ARHGEF11: variants seen among roughly 807,000 people sequenced by gnomAD.
ARHGEF11 encodes Rho guanine exchange factor (GEF) 11.
In ARHGEF11, 55 loss-of-function variants were observed where a neutral mutation model predicts 193.7. The observed-to-expected ratio is 0.28, with a 90% CI of 0.23 to 0.36. The LOEUF (loss-of-function observed/expected upper bound fraction) is 0.36. Among genes scored for constraint, ARHGEF11 ranks in the 10% least tolerant of loss-of-function variants. The probability of loss-of-function intolerance (pLI) is 1.00; values close to 1 mark genes in which losing one functional copy is unlikely to be tolerated. For synonymous variants in ARHGEF11, 693 were observed against 768.0 expected, an observed-to-expected ratio of 0.90 and a Z score of 1.62; for missense variants, 1,723 against 2,005.6, an observed-to-expected ratio of 0.86 and a Z score of 2.69.
At chr1:156,980,533 T>A in intron 3 of ARHGEF11, 47 bp from the exon 4 acceptor site, 9 of 1,559,660 alleles carry the variant, frequency 5.8e-6, no homozygotes, top group Non-Finnish European at 7.0e-6. Context: ...CCTCTTCCAC[T>A]GAAGCTACAC....
intron 1 of ARHGEF11, among the ~76,000 whole-genome samples, chr1:156,990,791 A>ATCATGTCC (rs1665593228): frequency 6.6e-6 from 1 of 152,150 alleles, no homozygotes; most frequent in African/African-American, 2.4e-5. Context: ...TCTGTCTTTG[A>ATCATGTCC]TCATGTCCTT....
chr1:156,992,134 T>G (rs1388248989), intron 1 of ARHGEF11, among the ~76,000 whole-genome samples: 2 of 152,200 alleles, frequency 1.3e-5, no homozygotes, highest in Admixed American at 1.3e-4. Flanking sequence ...AAGTAATCAT[T>G]TTCATTTGTT....
In ARHGEF11 at chr1:156,956,313, A is replaced by G. The variant is rs1040971695; in HGVS notation, c.1671+107T>C. On this transcript the variant is annotated intron_variant, in intron 19 of 40. Transcript: ENST00000368194. ...TGTATTTTAATAGAGATGGGGTTTC[A>G]CCATGTTGCCCAGGCTGGTCTCGAA... 8.1e-6 allele frequency: 9 copies of G among 1,113,178 alleles called. No homozygotes were observed. In the African/African-American group the frequency reaches 1.4e-4, roughly 17 times the overall value. The allele number at this position is 1,113,178 out of a possible 1,614,324, so 69.0% of individuals were successfully genotyped here.
chr1:156,937,678 C>A (rs1207412896), intron 38 of ARHGEF11, among the ~76,000 whole-genome samples, 182 bp from the exon 39 acceptor site: 1 of 152,190 alleles, frequency 6.6e-6, no homozygotes, highest in African/African-American at 2.4e-5. Flanking sequence ...GCTCCCGAGA[C>A]CTTCTAGATG....
chr1:156,995,305 T>C (rs1666328466), intron 1 of ARHGEF11, among the ~76,000 whole-genome samples: 1 of 152,182 alleles, frequency 6.6e-6, no homozygotes, highest in Non-Finnish European at 1.5e-5. Context: ...GGTCCTTGGG[T>C]GAGGGCTCAT....
chr1:156,961,895 C>T lies in ARHGEF11; in HGVS notation c.1141-120G>A, dbSNP rs530367345. ...AGTTGTTACAACTACTGGGCAAGTG[C>T]GGTGCTACTGGCATCTAGTGGGTAC... On this transcript the variant is annotated intron_variant, in intron 13 of 40. Coordinates refer to ENST00000368194, the MANE Select transcript of ARHGEF11 (RefSeq NM_198236.3). 9.3e-5 allele frequency: 74 copies of T among 793,376 alleles called. 1 individual carries two copies. The highest frequency in any genetic ancestry group is 5.0e-4 in the South Asian group (33 of 65,850). 49.1% of individuals were successfully genotyped at this position (793,376 alleles called of 1,614,324 possible).
intron 11 of ARHGEF11, among the ~76,000 whole-genome samples, chr1:156,964,187 C>T (rs1295820758): frequency 1.3e-5 from 2 of 152,302 alleles, no homozygotes; most frequent in East Asian, 3.9e-4. Context: ...TGTGTTAGAT[C>T]CCCATTACCT....
intron 1 of ARHGEF11, among the ~76,000 whole-genome samples, chr1:157,037,389 C>T (rs1672173922): frequency 6.6e-6 from 1 of 152,134 alleles, no homozygotes; most frequent in African/African-American, 2.4e-5. Context: ...AAACCTTCCC[C>T]GGCTCCCTTT....
At chr1:157,022,536 T>C (rs541822801) in intron 1 of ARHGEF11, among the ~76,000 whole-genome samples, 9 of 152,074 alleles carry the variant, frequency 5.9e-5, no homozygotes, top group Non-Finnish European at 8.8e-5. Context: ...CCTAAATAAA[T>C]AGAAAGACAT....
chr1:157,031,298 C>G (rs1671279527), intron 1 of ARHGEF11, among the ~76,000 whole-genome samples: 1 of 152,124 alleles, frequency 6.6e-6, no homozygotes, highest in African/African-American at 2.4e-5. Context: ...TTGCCCAGTT[C>G]TTTCTCAACC....
chr1:157,006,611 T>C (rs952114635), intron 1 of ARHGEF11, among the ~76,000 whole-genome samples: 2 of 152,226 alleles, frequency 1.3e-5, no homozygotes, highest in Admixed American at 6.5e-5. Flanking sequence ...AAGACAGCTC[T>C]GGCCTGGGGC....
chr1:156,967,083 A>G (rs1463825677), intron 11 of ARHGEF11, among the ~76,000 whole-genome samples: 1 of 152,136 alleles, frequency 6.6e-6, no homozygotes, highest in Non-Finnish European at 1.5e-5. Flanking sequence ...ACACTGTCTT[A>G]TATCTTTCTA....
intron 11 of ARHGEF11, 196 bp from the exon 12 acceptor site, chr1:156,963,790 T>C (rs922663399): frequency 7.7e-6 from 11 of 1,422,626 alleles, no homozygotes; most frequent in South Asian, 6.2e-5. Flanking sequence ...CAACTGCTTC[T>C]GGGTGGGGCA....
At chr1:156,949,008 T>C (rs1405703838) in intron 22 of ARHGEF11, 1 of 985,356 alleles carries the variant, frequency 1.0e-6, no homozygotes, top group Non-Finnish European at 1.2e-6. Context: ...GTGGAGTCAC[T>C]ATATTCACAG....
At chr1:157,028,895 G>T (rs1471704967) in intron 1 of ARHGEF11, among the ~76,000 whole-genome samples, 3 of 152,214 alleles carry the variant, frequency 2.0e-5, no homozygotes, top group African/African-American at 7.2e-5. Flanking sequence ...GGCTGGGCGT[G>T]GTGGCTCATG....
intron 1 of ARHGEF11, among the ~76,000 whole-genome samples, chr1:157,036,022 T>C (rs1202174482): frequency 7.8e-6 from 1 of 127,894 alleles, no homozygotes; most frequent in African/African-American, 2.9e-5. Flanking sequence ...TATATGAATC[T>C]ATATATAGGA....
At chr1:156,976,922 G>A in intron 7 of ARHGEF11, 61 bp downstream of exon 7, 1 of 1,447,558 alleles carries the variant, frequency 6.9e-7, no homozygotes, top group Non-Finnish European at 9.7e-7. Flanking sequence ...TTGGCAGGCT[G>A]CTCTGATAAA....
intron 1 of ARHGEF11, among the ~76,000 whole-genome samples, chr1:157,002,250 A>G (rs1667304687): frequency 6.6e-6 from 1 of 152,170 alleles, no homozygotes; most frequent in Admixed American, 6.5e-5. Context: ...TAGTCCACAA[A>G]ACACAATCTC....
chr1:157,003,418 T>C (rs1667434663), intron 1 of ARHGEF11, among the ~76,000 whole-genome samples: 1 of 152,254 alleles, frequency 6.6e-6, no homozygotes, highest in Admixed American at 6.5e-5. Flanking sequence ...GTCTATACTA[T>C]GCCACTTATT....
Sources: allele counts gnomAD v4.1 joint callset (sites outside exome capture counted in the v4.1 genomes callset), GRCh38; gene constraint gnomAD v4.1.1; transcripts MANE v1.5; gene names NCBI Gene and HGNC (gene_info 2026-07-23, HGNC 2026-07-21).